Variants in POC1B observed in about 807,000 individuals in gnomAD.
POC1B encodes POC1 centriolar protein homolog B.
Under a neutral mutation model 60.6 loss-of-function variants are expected in POC1B, and 44 were observed. The observed-to-expected ratio is 0.73, with a 90% CI of 0.57 to 0.93. The LOEUF (loss-of-function observed/expected upper bound fraction) is 0.93. Ranked by LOEUF, POC1B falls within the 40% of genes least tolerant of loss-of-function variation. The probability of loss-of-function intolerance (pLI) is 0.00; values close to 1 mark genes in which losing one functional copy is unlikely to be tolerated. For missense variants in POC1B, 555 were observed against 572.3 expected, an observed-to-expected ratio of 0.97 and a Z score of 0.31; for synonymous variants, 180 against 198.9, an observed-to-expected ratio of 0.90 and a Z score of 0.80.
intron 4 of POC1B, among the ~76,000 whole-genome samples, chr12:89,487,983 G>C (rs1868733689): frequency 6.6e-6 from 1 of 152,096 alleles, no homozygotes; most frequent in Non-Finnish European, 1.5e-5. Flanking sequence ...GCTCCCTGAG[G>C]CCAAGACTGT....
At chr12:89,517,032 G>A (rs1565759004) in intron 2 of POC1B, among the ~76,000 whole-genome samples, 1 of 152,100 alleles carries the variant, frequency 6.6e-6, no homozygotes, top group Non-Finnish European at 1.5e-5. Context: ...CAAGGACTAC[G>A]ACATGGACAC....
intron 9 of POC1B, among the ~76,000 whole-genome samples, chr12:89,464,099 A>G (rs1565736188): frequency 6.6e-6 from 1 of 152,198 alleles, no homozygotes. Flanking sequence ...CTTAGATACC[A>G]TTTATTCTAC....
At chr12:89,407,401 T>G in the POC1B span, among the ~76,000 whole-genome samples, 2 of 151,268 alleles carry the variant, frequency 1.3e-5, no homozygotes, top group African/African-American at 2.4e-5. Flanking sequence ...CCCAGCTAAT[T>G]TTTTTTTGTA....
chr12:89,471,174 G>A (rs1168880014), intron 6 of POC1B, among the ~76,000 whole-genome samples: 2 of 152,032 alleles, frequency 1.3e-5, no homozygotes, highest in Non-Finnish European at 1.5e-5. Flanking sequence ...TAATCATTTC[G>A]ATTTAATATA....
At chr12:89,525,685 C>T (rs1376300247) in intron 1 of POC1B, 196 bp downstream of exon 1, 2 of 1,244,470 alleles carry the variant, frequency 1.6e-6, no homozygotes, top group African/African-American at 1.6e-5. Flanking sequence ...GTCCGGGAGC[C>T]GGGTCTGGGT....
intron 11 of POC1B, among the ~76,000 whole-genome samples, 192 bp downstream of exon 11, chr12:89,424,969 A>G (rs1484208412): frequency 6.6e-6 from 1 of 152,130 alleles, no homozygotes; most frequent in Non-Finnish European, 1.5e-5. Context: ...GTGTGTGTGC[A>G]CGTGTGCACA....
intron 10 of POC1B, among the ~76,000 whole-genome samples, chr12:89,450,056 G>A (rs1235103215): frequency 6.6e-6 from 1 of 152,250 alleles, no homozygotes; most frequent in South Asian, 2.1e-4. Flanking sequence ...GGGGATTGAT[G>A]AGGGAATTTC....
intron 4 of POC1B, among the ~76,000 whole-genome samples, chr12:89,480,747 C>T (rs1214351600): frequency 6.6e-6 from 1 of 151,932 alleles, no homozygotes; most frequent in Non-Finnish European, 1.5e-5. Context: ...ACTACAGGCG[C>T]CCGCCACCTC....
chr12:89,475,992 G>A (rs1369277665), intron 4 of POC1B, among the ~76,000 whole-genome samples: 1 of 135,464 alleles, frequency 7.4e-6, no homozygotes, highest in Non-Finnish European at 1.5e-5. Flanking sequence ...TTTCAGCCTC[G>A]ACCTCCAGGG....
intron 10 of POC1B, among the ~76,000 whole-genome samples, chr12:89,454,646 CCT>C (rs1486849131): frequency 2.6e-5 from 4 of 152,188 alleles, no homozygotes; most frequent in East Asian, 3.8e-4. Context: ...AAATGCCACC[CCT>C]GTCACGTGAC....
chr12:89,431,724 G>C (rs1378190593), intron 10 of POC1B, among the ~76,000 whole-genome samples: 1 of 152,206 alleles, frequency 6.6e-6, no homozygotes, highest in Non-Finnish European at 1.5e-5. Flanking sequence ...CCAGGTGCCA[G>C]AGATACAGGA....
chr12:89,471,600 A>G lies in POC1B; in HGVS notation c.676+14T>C. 6.3e-7 allele frequency: 1 copy of G among 1,580,670 alleles called. No individual in the cohort carries two copies. The highest frequency in any genetic ancestry group is 8.7e-7 in the Non-Finnish European group (1 of 1,152,714). On this transcript the variant is annotated intron_variant, in intron 6 of 11. Coordinates refer to ENST00000313546, the MANE Select transcript of POC1B (RefSeq NM_172240.3). Reference sequence around the variant, plus strand: ...CCATTCGGTAACTGAATTTTTTGTTAGGAAAATTGTTACCTTGGTAATGCT... The same window carrying G: ...CCATTCGGTAACTGAATTTTTTGTTGGGAAAATTGTTACCTTGGTAATGCT...
chr12:89,466,972 C>A (rs767553986), intron 8 of POC1B, 50 bp from the exon 9 acceptor site: 5 of 1,518,896 alleles, frequency 3.3e-6, no homozygotes, highest in Admixed American at 3.8e-5. Context: ...CATGTACAAG[C>A]AATAGAGCTG....
intron 9 of POC1B, among the ~76,000 whole-genome samples, chr12:89,463,228 AGCC>A (rs1882542496): frequency 6.6e-6 from 1 of 152,226 alleles, no homozygotes; most frequent in Admixed American, 6.5e-5. Flanking sequence ...AAAAACTGAA[AGCC>A]ATCAGAACAT....
chr12:89,501,697 G>A lies in POC1B; in HGVS notation c.101-4355C>T. On this transcript the variant is annotated intron_variant, in intron 2 of 11. Transcript: ENST00000313546. ...TTCCAGGCATCCGTCTAATTGGTGGGTGGTAAAATCAGAGGAGAGTCCTGT... is the reference window on the plus strand; with the variant it reads ...TTCCAGGCATCCGTCTAATTGGTGGATGGTAAAATCAGAGGAGAGTCCTGT... 4 of 978,846 alleles carry A rather than the reference G, an allele frequency of 4.1e-6. No homozygotes were observed. In the South Asian group the frequency reaches 5.3e-5, roughly 13 times the overall value. 60.6% of individuals were successfully genotyped at this position (978,846 alleles called of 1,614,324 possible). A position where few individuals can be genotyped will look rare whatever the true frequency, so the allele number is the denominator to read the frequency against.
chr12:89,517,117 A>C (rs1472760840), intron 2 of POC1B, among the ~76,000 whole-genome samples: 2 of 152,068 alleles, frequency 1.3e-5, no homozygotes, highest in African/African-American at 4.8e-5. Context: ...CTCCCCCTAC[A>C]GCTTCATCTC....
intron 2 of POC1B, among the ~76,000 whole-genome samples, chr12:89,498,231 A>G (rs1238489025): frequency 1.3e-5 from 2 of 152,240 alleles, no homozygotes; most frequent in Non-Finnish European, 2.9e-5. Context: ...AAAGAATTAA[A>G]AGAATCGTGT....
intron 4 of POC1B, among the ~76,000 whole-genome samples, chr12:89,480,033 CT>C: frequency 6.6e-6 from 1 of 152,196 alleles, no homozygotes; most frequent in Admixed American, 6.5e-5. Context: ...GTATCTGCTT[CT>C]GGGCTTTATA....
chr12:89,513,517 T>G (rs1333621013), intron 2 of POC1B, among the ~76,000 whole-genome samples: 1 of 152,194 alleles, frequency 6.6e-6, no homozygotes, highest in Non-Finnish European at 1.5e-5. Context: ...AAAGTACAGC[T>G]CAGATTCTGC....
Sources: allele counts gnomAD v4.1 joint callset (sites outside exome capture counted in the v4.1 genomes callset), GRCh38; gene constraint gnomAD v4.1.1; transcripts MANE v1.5; gene names NCBI Gene and HGNC (gene_info 2026-07-23, HGNC 2026-07-21).